The following ZSWIM8 variants were observed in gnomAD, a reference collection of about 807,000 sequenced individuals.
The protein encoded by ZSWIM8 is zinc finger SWIM domain-containing protein 8.
Under a neutral mutation model 173.7 loss-of-function variants are expected in ZSWIM8, and 27 were observed. The observed-to-expected ratio is 0.16, with a 90% CI of 0.11 to 0.21. ZSWIM8 has a LOEUF of 0.21. Among genes scored for constraint, ZSWIM8 ranks in the 10% least tolerant of loss-of-function variants. The pLI, the probability that ZSWIM8 is intolerant of heterozygous loss-of-function variation, is 1.00. For synonymous variants in ZSWIM8, 958 were observed against 962.0 expected, an observed-to-expected ratio of 1.00 and a Z score of 0.08; for missense variants, 1,627 against 2,428.8, an observed-to-expected ratio of 0.67 and a Z score of 6.94.
Position 73,801,221 on chromosome 10 carries a change from G to A in ZSWIM8, c.5301+26G>A, listed in dbSNP as rs1178114175. The A allele has an allele frequency of 6.2e-7, 1 of 1,601,362 alleles. No individual in the cohort carries two copies. The highest frequency in any genetic ancestry group is 8.5e-7 in the Non-Finnish European group (1 of 1,172,700). On this transcript the variant is annotated intron_variant, in intron 25 of 25. Coordinates refer to ENST00000604729, the MANE Select transcript of ZSWIM8 (RefSeq NM_001367799.1). This position sits in a 1 kb window ranked among gnomAD's most constrained non-coding sequence, Gnocchi z 4.9. The stretch of plus-strand genomic sequence containing the variant: ...GTGACAACCTAGAATTATGGAGCAG[G>A]GTGGAGCACTTCCTGGGTGGTCTTG...
chr10:73,798,487 G>A, intron 20 of ZSWIM8, 34 bp downstream of exon 20: 1 of 1,586,644 alleles, frequency 6.3e-7, no homozygotes, highest in Non-Finnish European at 8.6e-7. Flanking sequence ...ACCTCTTCTG[G>A]GGCATCTGGG....
intron 14 of ZSWIM8, 174 bp downstream of exon 14, chr10:73,794,813 C>A: frequency 2.0e-6 from 1 of 506,864 alleles, no homozygotes; most frequent in Non-Finnish European, 3.5e-6. Flanking sequence ...TATGGCTGGG[C>A]GTGGTGGCCC....
Position 73,797,388 on chromosome 10 carries a change from A to G in ZSWIM8, c.3445A>G (p.Ile1149Val). The change falls in exon 18 of 26, where the codon ATT (isoleucine) becomes GTT (valine). Residue 1149 changes from isoleucine (I) to valine (V), a missense_variant. This residue lies in a region of ZSWIM8 where 1 missense variants were observed against 17.5 expected (regional missense o/e 0.06). Transcript: ENST00000604729. The surrounding 1 kb of genome is among the most constrained non-coding windows in gnomAD (Gnocchi z 5.6). ...PKKKHTGMAS[I>V]DSSAPETTSD... ...CTCTTGGGGGTTAGGCATGGCCAGC[A>G]TTGACAGCAGTGCCCCTGAAACAAC... 6.2e-7 allele frequency: 1 copy of G among 1,613,904 alleles called. No homozygotes were observed. The highest frequency in any genetic ancestry group is 2.2e-5 in the East Asian group (1 of 44,878).
Position 73,800,419 on chromosome 10 carries a change from G to C in ZSWIM8, c.4949G>C (p.Ser1650Thr). Residue 1650 changes from serine to threonine, a missense_variant, in exon 23 of 26, where the codon AGT becomes ACT. Ser to Thr is a moderately conservative substitution (Grantham distance 58). This residue lies in a region of ZSWIM8 where 275 missense variants were observed against 290.1 expected (regional missense o/e 0.95). Transcript: ENST00000604729. The surrounding 1 kb of genome is among the most constrained non-coding windows in gnomAD (Gnocchi z 4.1). ...CCACCGCCCGAGGAGGAGACACACA[G>C]TCAGCCAGTCAATCCCCACAGCCTG... is the stretch of plus-strand genomic sequence containing the variant. The part of the protein sequence containing the change: ...GFPPPEEETH[S>T]QPVNPHSLHH... 6.2e-7 allele frequency: 1 copy of C among 1,613,888 alleles called. No homozygotes were observed. Among genetic ancestry groups the C allele is most frequent in the Non-Finnish European group, 8.5e-7 (1 of 1,179,870 alleles).
rs761482176 is a variant in ZSWIM8, at chr10:73,799,460, C to A, written c.4635C>A (p.Val1545=). 8.1e-6 allele frequency: 13 copies of A among 1,599,924 alleles called. No homozygotes were observed. Among genetic ancestry groups the A allele is most frequent in the Admixed American group, 1.7e-5 (1 of 58,200 alleles). The stretch of plus-strand genomic sequence containing the variant: ...TGCCTCACATGCCCCGGCCTGCCGT[C>A]TTCCCTGTGCCCAGCTCTGCATACC... The part of the protein sequence containing the change: ...HPMPHMPRPA[V]FPVPSSAYPQ... The change falls in exon 21 of 26, where the codon GTC becomes GTA. Residue 1545 remains valine (V), a synonymous_variant. Transcript: ENST00000604729.
chr10:73,793,382 C>T (rs2083490676), intron 10 of ZSWIM8, among the ~76,000 whole-genome samples: 1 of 152,204 alleles, frequency 6.6e-6, no homozygotes. Flanking sequence ...ATCCCACCTG[C>T]TTCCCCTTGA....
Position 73,792,469 on chromosome 10 carries a change from C to A in ZSWIM8, c.1930C>A (p.Pro644Thr). The A allele has an allele frequency of 6.2e-7, 1 of 1,610,828 alleles. No homozygotes were observed. Among genetic ancestry groups the A allele is most frequent in the Non-Finnish European group, 8.5e-7 (1 of 1,178,458 alleles). The change falls in exon 10 of 26, where the codon CCT becomes ACT. Residue 644 changes from proline (P) to threonine (T), a missense_variant. Around this residue, in one of 18 missense-constraint regions of ZSWIM8, gnomAD observed 383 missense variants for 394.8 expected, o/e 0.97. Coordinates refer to ENST00000604729, the MANE Select transcript of ZSWIM8 (RefSeq NM_001367799.1). This position sits in a 1 kb window ranked among gnomAD's most constrained non-coding sequence, Gnocchi z 4.3. ...CACCTTCGGGGGATTCCCTGAGAGCCCTCCACCCTGTCCTCTCCACGGTGG... is the reference window on the plus strand; with the variant it reads ...CACCTTCGGGGGATTCCCTGAGAGCACTCCACCCTGTCCTCTCCACGGTGG... ...ASTFGGFPES[P>T]PPCPLHGGSR...
chr10:73,792,593 C>T lies in ZSWIM8; in HGVS notation c.2054C>T (p.Ser685Phe), dbSNP rs941071979. ...GAAGGGCCTGAGCCTCCCACAGCCTCTGTTGGCCCCCCTGGCCTACTGCCT... is the reference window on the plus strand; with the variant it reads ...GAAGGGCCTGAGCCTCCCACAGCCTTTGTTGGCCCCCCTGGCCTACTGCCT... ...FSEGPEPPTA[S>F]VGPPGLLPGD... Residue 685 changes from serine (S) to phenylalanine (F), a missense_variant, in exon 10 of 26, where the codon TCT becomes TTT. By Grantham distance (155) the Ser-to-Phe change is radical. This residue lies in a region of ZSWIM8 where 383 missense variants were observed against 394.8 expected (regional missense o/e 0.97). Coordinates refer to ENST00000604729, the MANE Select transcript of ZSWIM8 (RefSeq NM_001367799.1). The surrounding 1 kb of genome is among the most constrained non-coding windows in gnomAD (Gnocchi z 4.3). 2 of 1,614,062 alleles carry T rather than the reference C, an allele frequency of 1.2e-6. No individual in the cohort carries two copies. Among genetic ancestry groups the T allele is most frequent in the Non-Finnish European group, 8.5e-7 (1 of 1,179,892 alleles).
rs372568547 is a variant in ZSWIM8 at position 73,794,506 on chromosome 10, TTC to T, written c.2810-33_2810-32del. ...CTGTATTTTTTCCCATGCATGATAC[TTC>T]TGTCTGCCTGACTTACCCCAACTTT... On this transcript the variant is annotated intron_variant, in intron 13 of 25. Transcript: ENST00000604729. The T allele has an allele frequency of 4.0e-5, 62 of 1,567,682 alleles. No individual in the cohort carries two copies. The East Asian group carries it at 7.3e-4, about 18-fold the overall frequency.
rs372634908 is a variant in ZSWIM8 at position 73,796,946 on chromosome 10, C to T, written c.3206C>T (p.Ala1069Val). ...QPLTSGSAGP[A>V]QPGSVAGAGP... ...CTGACCTCAGGCTCTGCAGGGCCTGCTCAACCAGGGAGTGTGGCAGGGGCT... is the reference window on the plus strand; with the variant it reads ...CTGACCTCAGGCTCTGCAGGGCCTGTTCAACCAGGGAGTGTGGCAGGGGCT... Residue 1069 changes from alanine to valine, a missense_variant, in exon 16 of 26, where the codon GCT becomes GTT. Ala to Val is a moderately conservative substitution (Grantham distance 64, BLOSUM62 0). Transcript: ENST00000604729. 1.2e-6 allele frequency: 2 copies of T among 1,613,860 alleles called. No individual in the cohort carries two copies. The highest frequency in any genetic ancestry group is 2.7e-5 in the African/African-American group (2 of 74,940).
rs1298723258 is a variant in ZSWIM8, at chr10:73,794,324, G to A, written c.2803G>A (p.Ala935Thr). Residue 935 changes from alanine to threonine, a missense_variant, in exon 13 of 26, where the codon GCT becomes ACT. This residue lies in a region of ZSWIM8 where 169 missense variants were observed against 235.3 expected (regional missense o/e 0.72). Coordinates refer to ENST00000604729, the MANE Select transcript of ZSWIM8 (RefSeq NM_001367799.1). ...CAGTTTCATCTTTGACGTTCTCTGTGCTCCAGGTATGATGCCTGACCCTAC... is the reference window on the plus strand; with the variant it reads ...CAGTTTCATCTTTGACGTTCTCTGTACTCCAGGTATGATGCCTGACCCTAC... ...LASFIFDVLC[A>T]PVVSPTGSRP... The A allele has an allele frequency of 6.2e-7, 1 of 1,613,728 alleles. No individual in the cohort carries two copies. Among genetic ancestry groups the A allele is most frequent in the South Asian group, 1.1e-5 (1 of 91,050 alleles).
Position 73,792,604 on chromosome 10 carries a change from C to T in ZSWIM8, c.2065C>T (p.Pro689Ser). ...PEPPTASVGP[P>S]GLLPGDVCTQ... ...GCCTCCCACAGCCTCTGTTGGCCCC[C>T]CTGGCCTACTGCCTGGGGATGTCTG... The change falls in exon 10 of 26, where the codon CCT becomes TCT. Residue 689 changes from proline to serine, a missense_variant. By Grantham distance (74) the Pro-to-Ser change is moderately conservative. Coordinates refer to ENST00000604729, the MANE Select transcript of ZSWIM8 (RefSeq NM_001367799.1). This position sits in a 1 kb window ranked among gnomAD's most constrained non-coding sequence, Gnocchi z 4.3. The T allele has an allele frequency of 6.2e-7, 1 of 1,614,026 alleles. No individual in the cohort carries two copies. The highest frequency in any genetic ancestry group is 8.5e-7 in the Non-Finnish European group (1 of 1,179,872).
Position 73,801,283 on chromosome 10 carries a change from A to G in ZSWIM8, c.5302-33A>G. The G allele has an allele frequency of 6.2e-7, 1 of 1,611,398 alleles. No homozygotes were observed. Among genetic ancestry groups the G allele is most frequent in the Non-Finnish European group, 8.5e-7 (1 of 1,178,210 alleles). On this transcript the variant is annotated intron_variant, in intron 25 of 25. Coordinates refer to ENST00000604729, the MANE Select transcript of ZSWIM8 (RefSeq NM_001367799.1). The surrounding 1 kb of genome is among the most constrained non-coding windows in gnomAD (Gnocchi z 4.9). Reference sequence around the variant, plus strand: ...GGCAGGGCCTGTTTCTGTGCTTTGTACTAAGGCTCATCCTGCACACATCCT... The same window carrying G: ...GGCAGGGCCTGTTTCTGTGCTTTGTGCTAAGGCTCATCCTGCACACATCCT...
intron 20 of ZSWIM8, 141 bp downstream of exon 20, chr10:73,798,594 AC>A (rs1257699985): frequency 1.0e-5 from 8 of 768,104 alleles, no homozygotes; most frequent in Non-Finnish European, 1.4e-5. Flanking sequence ...GCAACATTTT[AC>A]CCATTAATGT....
chr10:73,794,814 G>C (rs186582340), intron 14 of ZSWIM8, 175 bp downstream of exon 14: 4 of 542,830 alleles, frequency 7.4e-6, no homozygotes. Context: ...ATGGCTGGGC[G>C]TGGTGGCCCA....
chr10:73,799,338 G>A lies in ZSWIM8; in HGVS notation c.4513G>A (p.Gly1505Ser). 6.2e-7 allele frequency: 1 copy of A among 1,610,502 alleles called. No homozygotes were observed. Among genetic ancestry groups the A allele is most frequent in the Non-Finnish European group, 8.5e-7 (1 of 1,178,552 alleles). Reference sequence around the variant, plus strand: ...ATACCCGGGTCCAGGACTGGGGCATGGCCACTCCCCTGGCCTGCACCCCTA... The same window carrying A: ...ATACCCGGGTCCAGGACTGGGGCATAGCCACTCCCCTGGCCTGCACCCCTA... Reference protein sequence around the residue: ...SLYPGPGLGHGHSPGLHPYTA... With the variant: ...SLYPGPGLGHSHSPGLHPYTA... The change falls in exon 21 of 26, where the codon GGC (glycine) becomes AGC (serine). Residue 1505 changes from glycine (G) to serine (S), a missense_variant. Gly to Ser is a moderately conservative substitution (Grantham distance 56, BLOSUM62 0). Coordinates refer to ENST00000604729, the MANE Select transcript of ZSWIM8 (RefSeq NM_001367799.1).
Position 73,801,777 on chromosome 10 carries a change from ACTC to A in ZSWIM8, c.*261_*263del, listed in dbSNP as rs1214188490. On this transcript the variant is annotated 3_prime_UTR_variant, in exon 26 of 26. Transcript: ENST00000604729. The surrounding 1 kb of genome is among the most constrained non-coding windows in gnomAD (Gnocchi z 4.9). The stretch of plus-strand genomic sequence containing the variant: ...TTATTTGGCATTTATAAATATATAA[ACTC>A]CTTTTTTACTCTAGTCGACCTGGGC... 1 of 1,455,342 alleles carries A rather than the reference ACTC, an allele frequency of 6.9e-7. No individual in the cohort carries two copies. Among genetic ancestry groups the A allele is most frequent in the East Asian group, 2.8e-5 (1 of 35,122 alleles). 90.2% of individuals were successfully genotyped at this position (1,455,342 alleles called of 1,614,324 possible).
chr10:73,796,485 G>T lies in ZSWIM8; in HGVS notation c.3034-289G>T. On this transcript the variant is annotated intron_variant, in intron 15 of 25. Coordinates refer to ENST00000604729, the MANE Select transcript of ZSWIM8 (RefSeq NM_001367799.1). ...TATAGGAGTGCTTGGGCATGGGGTG[G>T]AAGAAGAGAAGCAGAGGGCATAAAG... 8.4e-6 allele frequency: 4 copies of T among 474,224 alleles called. No homozygotes were observed. In the South Asian group the frequency reaches 8.5e-5, roughly 10 times the overall value. 29.4% of individuals were successfully genotyped at this position (474,224 alleles called of 1,614,324 possible).
chr10:73,786,299 C>A, intron 1 of ZSWIM8: 1 of 548,304 alleles, frequency 1.8e-6, no homozygotes, highest in Non-Finnish European at 3.1e-6. Flanking sequence ...CTGGGGTGGG[C>A]TGGCTTCTCC....
Sources: gnomAD v4.1 joint callset for allele counts (sites outside exome capture counted in the v4.1 genomes callset) on GRCh38, gnomAD v4.1.1 for gene constraint, gnomAD v4.1.1 regional missense constraint, Gnocchi (gnomAD v3.1) non-coding constraint, MANE v1.5 for transcripts, NCBI Gene and HGNC (gene_info 2026-07-23, HGNC 2026-07-21) for gene names.